Variants in CREBBP observed in about 807,000 individuals in gnomAD.
The protein encoded by CREBBP is CREB binding lysine acetyltransferase, also known as CREB-binding protein.
CREBBP carries 19 observed loss-of-function variants against 265.0 expected under a neutral mutation model. The ratio of observed to expected loss-of-function variants is 0.07; its 90% CI spans 0.05 to 0.11. The LOEUF (loss-of-function observed/expected upper bound fraction) is 0.11. Among genes scored for constraint, CREBBP ranks in the 10% least tolerant of loss-of-function variants. The probability of loss-of-function intolerance (pLI) is 1.00; values close to 1 mark genes in which losing one functional copy is unlikely to be tolerated. For missense variants in CREBBP, 2,525 were observed against 3,219.0 expected (o/e 0.78, Z 5.22); for synonymous variants, 1,457 against 1,223.7 (o/e 1.19, Z -3.98).
chr16:3,854,013 T>A (rs1322257154), intron 1 of CREBBP, among the ~76,000 whole-genome samples: 1 of 152,132 alleles, frequency 6.6e-6, no homozygotes, highest in Non-Finnish European at 1.5e-5. Flanking sequence ...AAACCTTTTT[T>A]CTGCATGGTG....
Position 3,770,905 on chromosome 16 carries a change from T to A in CREBBP, c.2545A>T (p.Thr849Ser), listed in dbSNP as rs1461699733. The A allele has an allele frequency of 3.7e-6, 6 of 1,613,736 alleles. No homozygotes were observed. Among genetic ancestry groups the A allele is most frequent in the Non-Finnish European group, 4.2e-6 (5 of 1,179,996 alleles). The change falls in exon 14 of 31, where the codon ACA becomes TCA. Residue 849 changes from threonine (T) to serine (S), a missense_variant. Thr to Ser is a moderately conservative substitution (Grantham distance 58). Coordinates refer to ENST00000262367, the MANE Select transcript of CREBBP (RefSeq NM_004380.3). ...GGTGTTGGGTGCAGTGGTGACTGTG[T>A]CACTGGAGGGCAAGGTAGCTGGCTG... Reference protein sequence around the residue: ...QASQLPCPPVTQSPLHPTPPP... With the variant: ...QASQLPCPPVSQSPLHPTPPP...
intron 3 of CREBBP, among the ~76,000 whole-genome samples, chr16:3,798,450 A>G (rs1355555821): frequency 1.3e-5 from 2 of 152,262 alleles, no homozygotes; most frequent in Non-Finnish European, 2.9e-5. Flanking sequence ...CATCTAGAAC[A>G]TATTTTAAAA....
chr16:3,733,880 G>A (rs1023759594), intron 28 of CREBBP, among the ~76,000 whole-genome samples: 1 of 152,180 alleles, frequency 6.6e-6, no homozygotes, highest in Non-Finnish European at 1.5e-5. Context: ...GACCTCAAGT[G>A]ATCCACCTGC....
At chr16:3,736,421 T>C in intron 27 of CREBBP, 1 of 747,488 alleles carries the variant, frequency 1.3e-6, no homozygotes, top group South Asian at 1.7e-5. Flanking sequence ...CAGGCCCCAA[T>C]GCCCACTGAT....
At chr16:3,795,595 A>G (rs1390475252) in intron 3 of CREBBP, among the ~76,000 whole-genome samples, 1 of 152,222 alleles carries the variant, frequency 6.6e-6, no homozygotes. Context: ...TATGGGGCAT[A>G]AACTGGAATC....
chr16:3,843,621 A>T (rs753072809), intron 2 of CREBBP, among the ~76,000 whole-genome samples: 1 of 151,508 alleles, frequency 6.6e-6, no homozygotes, highest in Non-Finnish European at 1.5e-5. Flanking sequence ...GGGTCTCCCT[A>T]TGTTCACAGG....
chr16:3,843,583 G>A lies in CREBBP; in HGVS notation c.798+6714C>T, dbSNP rs974353627. Among the ~76,000 whole-genome samples, 8 of 151,936 alleles carry A rather than the reference G, an allele frequency of 5.3e-5. No homozygotes were observed. The East Asian group carries it at 1.2e-3, about 22-fold the overall frequency. ...CCACAGACATGTGCCACCATGACCAGCTAATTCTTAAATTTTTTTTAAAGA... is the reference window on the plus strand; with the variant it reads ...CCACAGACATGTGCCACCATGACCAACTAATTCTTAAATTTTTTTTAAAGA... On this transcript the variant is annotated intron_variant, in intron 2 of 30. Transcript: ENST00000262367.
intron 25 of CREBBP, 117 bp downstream of exon 25, chr16:3,739,459 GTT>G: frequency 8.3e-7 from 1 of 1,211,102 alleles, no homozygotes; most frequent in South Asian, 1.3e-5. Flanking sequence ...GTTAATTGTG[GTT>G]TCATTTACTT....
At chr16:3,759,043 C>T (rs556243236) in intron 16 of CREBBP, 71 bp from the exon 17 acceptor site, 37 of 1,217,670 alleles carry the variant, frequency 3.0e-5, no homozygotes, top group East Asian at 1.6e-4. Flanking sequence ...ACATTTAAAA[C>T]GGAATCCTGG....
At chr16:3,851,156 C>T (rs948028300) in intron 1 of CREBBP, 147 bp from the exon 2 acceptor site, 14 of 726,368 alleles carry the variant, frequency 1.9e-5, no homozygotes, top group East Asian at 2.7e-5. Flanking sequence ...GGTGTGGTAG[C>T]GCATGCCTGT....
intron 19 of CREBBP, among the ~76,000 whole-genome samples, chr16:3,755,865 C>A (rs936514952): frequency 1.3e-5 from 2 of 152,178 alleles, no homozygotes; most frequent in Admixed American, 6.5e-5. Context: ...TTCCCCCTTG[C>A]ACCAGTGTTT....
At chr16:3,846,766 A>G (rs549224309) in intron 2 of CREBBP, among the ~76,000 whole-genome samples, 195 of 152,336 alleles carry the variant, frequency 1.3e-3, no homozygotes, top group Non-Finnish European at 2.5e-3. Context: ...TAGCACACAC[A>G]TACCCACACC....
intron 3 of CREBBP, among the ~76,000 whole-genome samples, chr16:3,802,830 G>A (rs1450964920): frequency 2.0e-5 from 3 of 151,896 alleles, no homozygotes; most frequent in Non-Finnish European, 2.9e-5. Context: ...TATGCTCCTC[G>A]GATACTCCCC....
intron 2 of CREBBP, among the ~76,000 whole-genome samples, chr16:3,837,978 A>G (rs1389461577): frequency 6.6e-6 from 1 of 152,126 alleles, no homozygotes. Flanking sequence ...TAAATGCCTT[A>G]TACAGGTGTG....
At chr16:3,843,773 C>T (rs1190544600) in intron 2 of CREBBP, among the ~76,000 whole-genome samples, 1 of 152,066 alleles carries the variant, frequency 6.6e-6, no homozygotes, top group Non-Finnish European at 1.5e-5. Flanking sequence ...TTCAGGCCCA[C>T]ATCACTGTAA....
In CREBBP at chr16:3,729,348, G is replaced by C. The variant is rs2151308915; in HGVS notation, c.5699C>G (p.Pro1900Arg). The change falls in exon 31 of 31, where the codon CCC (proline) becomes CGC (arginine). Residue 1900 changes from proline to arginine, a missense_variant. By Grantham distance (103) the Pro-to-Arg change is moderately radical. Coordinates refer to ENST00000262367, the MANE Select transcript of CREBBP (RefSeq NM_004380.3). ...PGTPTQQPST[P>R]QTPQPPAQPQ... ...CTGGGCAGGGGGCTGCGGCGTCTGG[G>C]GTGTGCTGGGCTGCTGTGTGGGGGT... 6.3e-7 allele frequency: 1 copy of C among 1,600,000 alleles called. No individual in the cohort carries two copies. The highest frequency in any genetic ancestry group is 8.5e-7 in the Non-Finnish European group (1 of 1,176,716).
intron 2 of CREBBP, among the ~76,000 whole-genome samples, chr16:3,826,378 C>T (rs1392586218): frequency 2.6e-5 from 4 of 152,130 alleles, no homozygotes; most frequent in Admixed American, 2.0e-4. Flanking sequence ...AGAATATAAA[C>T]CCCCTATCCT....
At chr16:3,750,776 T>A (rs553370247) in intron 20 of CREBBP, among the ~76,000 whole-genome samples, 1 of 152,120 alleles carries the variant, frequency 6.6e-6, no homozygotes, top group South Asian at 2.1e-4. Flanking sequence ...AAAAATGGGG[T>A]TGGAGAACAC....
intron 5 of CREBBP, among the ~76,000 whole-genome samples, chr16:3,784,862 G>A (rs776830871): frequency 2.6e-5 from 4 of 152,122 alleles, no homozygotes; most frequent in African/African-American, 4.8e-5. Flanking sequence ...GGCCTCCCAC[G>A]GAAGCTGCTG....
Sources: gnomAD v4.1 joint callset for allele counts (sites outside exome capture counted in the v4.1 genomes callset) on GRCh38, gnomAD v4.1.1 for gene constraint, MANE v1.5 for transcripts, NCBI Gene and HGNC (gene_info 2026-07-23, HGNC 2026-07-21) for gene names.